CDH4: variants seen among roughly 807,000 people sequenced by gnomAD.
CDH4 encodes the protein cadherin-4.
A neutral mutation model predicts 86.0 loss-of-function variants in CDH4; 33 were observed. That is an observed-to-expected ratio of 0.38 (90% confidence interval 0.29 to 0.51). The LOEUF is 0.51. CDH4 is among the 20% of genes least tolerant of loss of function. The pLI, the probability that CDH4 is intolerant of heterozygous loss-of-function variation, is 0.86. For synonymous variants in CDH4, 555 were observed against 549.4 expected (o/e 1.01, Z -0.14); for missense variants, 1,114 against 1,307.4 (o/e 0.85, Z 2.28).
chr20:61,532,288 C>T (rs189031328), intron 2 of CDH4, among the ~76,000 whole-genome samples: 22 of 152,334 alleles, frequency 1.4e-4, no homozygotes, highest in African/African-American at 5.3e-4. Flanking sequence ...TGCACCTAAA[C>T]TAAGTCATGT....
chr20:61,593,244 G>A (rs1474880532), intron 2 of CDH4, among the ~76,000 whole-genome samples: 1 of 152,202 alleles, frequency 6.6e-6, no homozygotes, highest in African/African-American at 2.4e-5. Context: ...TCCTTGCCTG[G>A]GCTGATGCAC....
chr20:61,853,317 G>A (rs1870912305), intron 6 of CDH4, among the ~76,000 whole-genome samples: 1 of 152,124 alleles, frequency 6.6e-6, no homozygotes, highest in African/African-American at 2.4e-5. Flanking sequence ...CCATGCCAGG[G>A]CCTGGGGAGG....
At chr20:61,866,396 C>T (rs1983551214) in intron 6 of CDH4, among the ~76,000 whole-genome samples, 1 of 152,192 alleles carries the variant, frequency 6.6e-6, no homozygotes, top group South Asian at 2.1e-4. Context: ...TGTGTATGCA[C>T]AGCTAAACCG....
intron 2 of CDH4, among the ~76,000 whole-genome samples, chr20:61,578,136 C>T (rs1371205349): frequency 6.6e-6 from 1 of 152,190 alleles, no homozygotes; most frequent in Non-Finnish European, 1.5e-5. Flanking sequence ...TGCCAGCTGT[C>T]ACCTGGGAAG....
intron 2 of CDH4, among the ~76,000 whole-genome samples, chr20:61,548,609 ATACAAACTTAAATTAT>A (rs1481413714): frequency 3.9e-5 from 6 of 152,230 alleles, no homozygotes; most frequent in Non-Finnish European, 5.9e-5. Context: ...AAGCATGTTT[ATACAAACTTAAATTAT>A]CAGGGTGTAG....
intron 2 of CDH4, among the ~76,000 whole-genome samples, chr20:61,338,393 T>A (rs1228135426): frequency 6.6e-6 from 1 of 152,150 alleles, no homozygotes; most frequent in East Asian, 1.9e-4. Context: ...ATTGAGTAGT[T>A]GTACATAAGA....
In CDH4 at chr20:61,275,614, G is replaced by A. The variant is rs1370815656; in HGVS notation, c.169+20677G>A. Reference sequence around the variant, plus strand: ...CATGCGCAGTTTGGGAGAGTACCATGCGCAGTTTGGGGGAGTACCATGCGC... The same window carrying A: ...CATGCGCAGTTTGGGAGAGTACCATACGCAGTTTGGGGGAGTACCATGCGC... On this transcript the variant is annotated intron_variant, in intron 2 of 15. Coordinates refer to ENST00000614565, the MANE Select transcript of CDH4 (RefSeq NM_001794.5). 3.9e-5 allele frequency among the ~76,000 whole-genome samples: 5 copies of A among 129,860 alleles called. No individual in the cohort carries two copies. The East Asian group carries it at 1.2e-3, about 31-fold the overall frequency. 85.2% of individuals were successfully genotyped at this position (129,860 alleles called of 152,430 possible).
At chr20:61,884,617 G>A (rs950045810) in intron 7 of CDH4, among the ~76,000 whole-genome samples, 2 of 152,178 alleles carry the variant, frequency 1.3e-5, no homozygotes, top group African/African-American at 4.8e-5. Context: ...CACCCCAGGC[G>A]AGGGAACCTC....
At position 61,743,771 on chromosome 20, in the gene CDH4, C is replaced by A. The variant is rs746478957; in HGVS notation, c.378C>A (p.Ser126=). Residue 126 remains serine, a synonymous_variant, in exon 3 of 16, where the codon TCC becomes TCA. Transcript: ENST00000614565. The part of the protein sequence containing the change: ...VVRLLVAQTS[S]PHSGHKPQKG... ...GGTTGCTGGTGGCCCAGACCTCGTC[C>A]CCGCACTCTGGACACAAGGTAAGGT... 1 of 1,603,154 alleles carries A rather than the reference C, an allele frequency of 6.2e-7. No individual in the cohort carries two copies. Among genetic ancestry groups the A allele is most frequent in the Non-Finnish European group, 8.5e-7 (1 of 1,175,294 alleles).
At chr20:61,602,584 T>A (rs372108399) in intron 2 of CDH4, among the ~76,000 whole-genome samples, 2 of 150,854 alleles carry the variant, frequency 1.3e-5, no homozygotes, top group African/African-American at 4.9e-5. Context: ...TTTGGTGAGC[T>A]GGAAGGAGGA....
At position 61,500,489 on chromosome 20, in the gene CDH4, T is replaced by TCCTGTCTCAGGCC. The variant is rs540493078; in HGVS notation, c.170-243072_170-243060dup. Among the ~76,000 whole-genome samples the TCCTGTCTCAGGCC allele has an allele frequency of 3.2e-3, 495 of 152,332 alleles. 5 individuals carry two copies. The Middle Eastern group carries it at 0.075, about 23-fold the overall frequency. ...GGTGGCTGCCTGTGCCGACTCTGGGTCCTGTCTCAGGCCCTGCAGCTCACT... is the reference window on the plus strand; with the variant it reads ...GGTGGCTGCCTGTGCCGACTCTGGGTCCTGTCTCAGGCCCCTGTCTCAGGCCCTGCAGCTCACT... On this transcript the variant is annotated intron_variant, in intron 2 of 15. Transcript: ENST00000614565.
At chr20:61,267,345 G>A (rs1234655309) in intron 2 of CDH4, among the ~76,000 whole-genome samples, 1 of 152,172 alleles carries the variant, frequency 6.6e-6, no homozygotes, top group Non-Finnish European at 1.5e-5. Context: ...CAGGCTTAGA[G>A]GATGTTTAGC....
intron 2 of CDH4, among the ~76,000 whole-genome samples, chr20:61,371,904 G>A (rs2084843081): frequency 6.6e-6 from 1 of 152,220 alleles, no homozygotes; most frequent in South Asian, 2.1e-4. Context: ...CCAAGTGTTT[G>A]TGACTGTCAT....
intron 6 of CDH4, among the ~76,000 whole-genome samples, chr20:61,869,553 G>A (rs1317874241): frequency 6.6e-6 from 1 of 152,202 alleles, no homozygotes; most frequent in Non-Finnish European, 1.5e-5. Context: ...TTCCCCATCT[G>A]TCAAAAAAGG....
rs577507034 is a variant in CDH4 at position 61,852,511 on chromosome 20, T to C, written c.733-243T>C. 3.3e-4 allele frequency among the ~76,000 whole-genome samples: 50 copies of C among 152,188 alleles called. 2 individuals are homozygous for C. The South Asian group carries it at 0.01, about 32-fold the overall frequency. The stretch of plus-strand genomic sequence containing the variant: ...GGGCCTGGGCCTGACCATGGGGTGT[T>C]GGGGGGTTATGCTGGCTTCCAGCTC... On this transcript the variant is annotated intron_variant, in intron 5 of 15. Coordinates refer to ENST00000614565, the MANE Select transcript of CDH4 (RefSeq NM_001794.5).
intron 3 of CDH4, among the ~76,000 whole-genome samples, chr20:61,756,015 C>T (rs1016594456): frequency 6.6e-6 from 1 of 152,222 alleles, no homozygotes; most frequent in Non-Finnish European, 1.5e-5. Context: ...CAGCCCGTGC[C>T]CCCCATGCTC....
chr20:61,644,954 C>A (rs2087047057), intron 2 of CDH4, among the ~76,000 whole-genome samples: 1 of 152,206 alleles, frequency 6.6e-6, no homozygotes, highest in African/African-American at 2.4e-5. Flanking sequence ...CGACTCCAGA[C>A]CAGCCTCTCA....
At chr20:61,431,363 T>G (rs1271324350) in intron 2 of CDH4, among the ~76,000 whole-genome samples, 1 of 150,104 alleles carries the variant, frequency 6.7e-6, no homozygotes, top group Non-Finnish European at 1.5e-5. Context: ...TTGTTGGTTT[T>G]TTTTTTTTTT....
intron 2 of CDH4, among the ~76,000 whole-genome samples, chr20:61,405,899 CT>C (rs1184597641): frequency 6.6e-6 from 1 of 152,170 alleles, no homozygotes; most frequent in African/African-American, 2.4e-5. Flanking sequence ...CCAAGATGGT[CT>C]CGATCTCCTG....
Sources: gnomAD v4.1 joint callset for allele counts (sites outside exome capture counted in the v4.1 genomes callset) on GRCh38, gnomAD v4.1.1 for gene constraint, MANE v1.5 for transcripts, NCBI Gene and HGNC (gene_info 2026-07-23, HGNC 2026-07-21) for gene names.